The following MAD1L1 variants were observed in gnomAD, a reference collection of about 807,000 sequenced individuals.
MAD1L1 encodes the protein mitotic arrest deficient 1 like 1.
MAD1L1 carries 95 observed loss-of-function variants against 96.9 expected under a neutral mutation model. The ratio of observed to expected loss-of-function variants is 0.98; its 90% CI spans 0.83 to 1.16. The LOEUF is 1.16. MAD1L1 is among the 50% of genes most tolerant of loss of function. The probability of loss-of-function intolerance (pLI) is 0.00; values close to 1 mark genes in which losing one functional copy is unlikely to be tolerated. For synonymous variants in MAD1L1, 473 were observed against 396.6 expected (o/e 1.19, Z -2.29); for missense variants, 1,007 against 954.4 (o/e 1.06, Z -0.73).
intron 18 of MAD1L1, among the ~76,000 whole-genome samples, chr7:1,830,432 C>T (rs34411636): frequency 0.35 from 53,218 of 152,056 alleles, 9,744 homozygotes; most frequent in Non-Finnish European, 0.42. Flanking sequence ...AAACATGGGC[C>T]TACACAAGAA....
chr7:1,944,730 G>A (rs1293056473), intron 16 of MAD1L1, among the ~76,000 whole-genome samples: 2 of 152,060 alleles, frequency 1.3e-5, no homozygotes, highest in South Asian at 2.1e-4. Flanking sequence ...CCACCCCGTC[G>A]GCCCTCTCCC....
At chr7:1,975,342 T>C (rs548323747) in intron 15 of MAD1L1, among the ~76,000 whole-genome samples, 1 of 152,266 alleles carries the variant, frequency 6.6e-6, no homozygotes, top group Admixed American at 6.5e-5. Context: ...GCCCTTCCAA[T>C]GGGACCAATC....
chr7:2,090,658 C>T (rs2128544707), intron 11 of MAD1L1, among the ~76,000 whole-genome samples: 1 of 152,338 alleles, frequency 6.6e-6, no homozygotes, highest in South Asian at 2.1e-4. Context: ...CAGTTCTGAG[C>T]AGGACTGGCC....
chr7:2,068,848 G>T (rs757398392), intron 12 of MAD1L1, among the ~76,000 whole-genome samples: 1 of 152,210 alleles, frequency 6.6e-6, no homozygotes, highest in Admixed American at 6.5e-5. Context: ...GGCATCACTG[G>T]ATGGGAAAGC....
intron 18 of MAD1L1, among the ~76,000 whole-genome samples, chr7:1,885,063 A>C (rs1785926802): frequency 6.6e-6 from 1 of 152,220 alleles, no homozygotes; most frequent in African/African-American, 2.4e-5. Flanking sequence ...CAACAACCTA[A>C]GTACTTAGTC....
chr7:2,063,979 T>C (rs920595469), intron 12 of MAD1L1, among the ~76,000 whole-genome samples: 22 of 152,082 alleles, frequency 1.4e-4, no homozygotes, highest in African/African-American at 5.1e-4. Context: ...TGCACTGCCT[T>C]CCTAGGATGG....
chr7:2,213,452 A>G lies in MAD1L1; in HGVS notation c.925-179T>C, dbSNP rs530426307. ...GAAGTGGCCGGGTTATTATTCCCCA[A>G]CTGCAGAAGCCACACTGGCGCTTCC... On this transcript the variant is annotated intron_variant, in intron 9 of 18. Transcript: ENST00000265854. Among the ~76,000 whole-genome samples the G allele has an allele frequency of 7.2e-5, 11 of 152,164 alleles. No homozygotes were observed. The East Asian group carries it at 2.1e-3, about 29-fold the overall frequency.
rs566460762 is a variant in MAD1L1, at chr7:2,117,550, C to T, written c.1073+31602G>A. ...GCAGTTACCCCCATACTGCTGCTCACGTGATAGTGAGCTCTCGAGAGAGGT... is the reference window on the plus strand; with the variant it reads ...GCAGTTACCCCCATACTGCTGCTCATGTGATAGTGAGCTCTCGAGAGAGGT... On this transcript the variant is annotated intron_variant, in intron 11 of 18. Coordinates refer to ENST00000265854, the MANE Select transcript of MAD1L1 (RefSeq NM_001013836.2). Among the ~76,000 whole-genome samples the T allele has an allele frequency of 3.9e-5, 6 of 152,310 alleles. No homozygotes were observed. The South Asian group carries it at 8.3e-4, about 21-fold the overall frequency.
chr7:2,094,754 G>A (rs181122295), intron 11 of MAD1L1, among the ~76,000 whole-genome samples: 297 of 143,596 alleles, frequency 2.1e-3, no homozygotes, highest in Admixed American at 4.2e-3. Flanking sequence ...GCAGCAAGGG[G>A]GAAGGACTCC....
chr7:2,210,959 T>C (rs1792913322), intron 10 of MAD1L1, among the ~76,000 whole-genome samples: 3 of 152,236 alleles, frequency 2.0e-5, no homozygotes. Context: ...AAGAGCTCCG[T>C]GTCCCCCTTT....
chr7:2,151,736 T>C (rs2128581492), intron 10 of MAD1L1, among the ~76,000 whole-genome samples: 1 of 152,316 alleles, frequency 6.6e-6, no homozygotes, highest in East Asian at 1.9e-4. Context: ...TGCAACCATT[T>C]AGCAATGAGG....
In MAD1L1 at chr7:2,218,001, G is replaced by T; in HGVS notation, c.639C>A (p.Ala213=). The T allele has an allele frequency of 1.9e-6, 3 of 1,614,106 alleles. No individual in the cohort carries two copies. Among genetic ancestry groups the T allele is most frequent in the Non-Finnish European group, 2.5e-6 (3 of 1,179,966 alleles). ...EANQKIQELQ[A]SQEARADHEQ... is the part of the protein sequence containing the mutation. ...CGTGGTCTGCTCTTGCTTCTTGGCT[G>T]GCCTGGAGTTCCTGGATTTTCTGAT... is the stretch of plus-strand genomic sequence containing the variant. Residue 213 remains alanine (A), a synonymous_variant, in exon 7 of 19, where the codon GCC becomes GCA. Coordinates refer to ENST00000265854, the MANE Select transcript of MAD1L1 (RefSeq NM_001013836.2).
chr7:2,017,522 G>C (rs1171506224), intron 12 of MAD1L1, among the ~76,000 whole-genome samples: 3 of 152,234 alleles, frequency 2.0e-5, no homozygotes, highest in African/African-American at 7.2e-5. Flanking sequence ...GTAGAGGGCG[G>C]CTCTGCCCTG....
intron 12 of MAD1L1, among the ~76,000 whole-genome samples, chr7:2,051,717 G>A (rs1424701962): frequency 1.0e-5 from 1 of 98,200 alleles, no homozygotes; most frequent in Non-Finnish European, 1.9e-5. Context: ...CACCAGCTGC[G>A]CTGTGCCTAC....
chr7:2,117,085 C>T (rs1383558968), intron 11 of MAD1L1, among the ~76,000 whole-genome samples: 1 of 152,180 alleles, frequency 6.6e-6, no homozygotes, highest in African/African-American at 2.4e-5. Context: ...ATAGGCCTGG[C>T]AGAGGCAGCC....
intron 11 of MAD1L1, among the ~76,000 whole-genome samples, chr7:2,070,447 G>A (rs529181699): frequency 1.1e-4 from 17 of 152,132 alleles, no homozygotes; most frequent in Non-Finnish European, 1.9e-4. Flanking sequence ...ATGAGAGGCC[G>A]CCCGAGAGGA....
At chr7:2,124,189 G>A (rs1788118477) in intron 11 of MAD1L1, among the ~76,000 whole-genome samples, 1 of 152,240 alleles carries the variant, frequency 6.6e-6, no homozygotes, top group African/African-American at 2.4e-5. Context: ...AAGGCAGGAG[G>A]GGCAGGCCAT....
At chr7:2,079,992 G>A in intron 11 of MAD1L1, 1 of 317,770 alleles carries the variant, frequency 3.1e-6, no homozygotes, top group Non-Finnish European at 6.1e-6. Flanking sequence ...AGGTCAGAGA[G>A]AAGGAGACCA....
intron 10 of MAD1L1, among the ~76,000 whole-genome samples, chr7:2,181,222 C>G (rs1179157973): frequency 1.3e-5 from 2 of 152,240 alleles, no homozygotes; most frequent in Admixed American, 1.3e-4. Context: ...TTGCTTCTTG[C>G]ATGTCTTCCG....
Sources: gnomAD v4.1 joint callset for allele counts (sites outside exome capture counted in the v4.1 genomes callset) on GRCh38, gnomAD v4.1.1 for gene constraint, MANE v1.5 for transcripts, NCBI Gene and HGNC (gene_info 2026-07-23, HGNC 2026-07-21) for gene names.